Variants in FNIP1 observed in about 807,000 individuals in gnomAD.
FNIP1 encodes the protein folliculin interacting protein 1, also known as folliculin-interacting protein 1.
Under a neutral mutation model 124.5 loss-of-function variants are expected in FNIP1, and 40 were observed. The observed-to-expected ratio is 0.32, with a 90% CI of 0.25 to 0.42. The LOEUF is 0.42. Ranked by LOEUF, FNIP1 falls within the 10% of genes least tolerant of loss-of-function variation. FNIP1 has a pLI of 1.00. For synonymous variants in FNIP1, 472 were observed against 470.6 expected (o/e 1.00, Z -0.04); for missense variants, 1,176 against 1,403.7 (o/e 0.84, Z 2.59).
In FNIP1 at chr5:131,651,981, G is replaced by A. The variant is rs756596118; in HGVS notation, c.3127C>T (p.Pro1043Ser). ...HAVQHPVLDEPIAEAVCIIAD... is the reference protein window; with the variant it reads ...HAVQHPVLDESIAEAVCIIAD... ...ATAATACAGACAGCTTCTGCTATTGGTTCATCCAAAACTGGATGCTGGAAA... is the reference window on the plus strand; with the variant it reads ...ATAATACAGACAGCTTCTGCTATTGATTCATCCAAAACTGGATGCTGGAAA... Residue 1043 changes from proline (P) to serine (S), a missense_variant, in exon 16 of 18, where the codon CCA becomes TCA. Transcript: ENST00000510461. 1 of 1,612,962 alleles carries A rather than the reference G, an allele frequency of 6.2e-7. No homozygotes were observed. The highest frequency in any genetic ancestry group is 8.5e-7 in the Non-Finnish European group (1 of 1,179,642).
chr5:131,746,475 G>A (rs774140423), intron 1 of FNIP1, among the ~76,000 whole-genome samples: 16 of 152,092 alleles, frequency 1.1e-4, no homozygotes, highest in Non-Finnish European at 2.4e-4. Context: ...CCATCCTTAT[G>A]TCCATGAGTA....
chr5:131,741,742 G>A (rs1770519434), intron 2 of FNIP1, among the ~76,000 whole-genome samples: 1 of 152,172 alleles, frequency 6.6e-6, no homozygotes, highest in Non-Finnish European at 1.5e-5. Context: ...AAGGACTCCA[G>A]TAAGTATTTT....
intron 15 of FNIP1, among the ~76,000 whole-genome samples, chr5:131,662,217 A>T (rs1767462454): frequency 6.6e-6 from 1 of 152,160 alleles, no homozygotes; most frequent in South Asian, 2.1e-4. Flanking sequence ...ATCTTTTGCT[A>T]TCTTAAGCCC....
chr5:131,757,635 CAAA>C (rs372983798), intron 1 of FNIP1, among the ~76,000 whole-genome samples: 10 of 70,344 alleles, frequency 1.4e-4, no homozygotes, highest in Admixed American at 3.1e-4. Context: ...CTCTGAAGGC[CAAA>C]AAAAAAAAAA....
chr5:131,688,493 A>C (rs1768360787), intron 11 of FNIP1, among the ~76,000 whole-genome samples: 1 of 151,866 alleles, frequency 6.6e-6, no homozygotes, highest in Non-Finnish European at 1.5e-5. Flanking sequence ...AACTAGTCTG[A>C]ACAAAGAAAG....
intron 10 of FNIP1, among the ~76,000 whole-genome samples, chr5:131,702,415 T>G (rs1768933618): frequency 6.6e-6 from 1 of 152,058 alleles, no homozygotes; most frequent in African/African-American, 2.4e-5. Flanking sequence ...AATGGGCATA[T>G]AATTTGAAAA....
At chr5:131,728,052 A>C (rs978516025) in intron 3 of FNIP1, among the ~76,000 whole-genome samples, 3 of 152,192 alleles carry the variant, frequency 2.0e-5, no homozygotes, top group Non-Finnish European at 4.4e-5. Context: ...ATCCACTGTT[A>C]GTCTGATGGA....
intron 2 of FNIP1, among the ~76,000 whole-genome samples, chr5:131,736,181 C>A (rs572968926): frequency 6.6e-6 from 1 of 152,118 alleles, no homozygotes; most frequent in East Asian, 1.9e-4. Flanking sequence ...GATAAAAATA[C>A]GGGTATTTTT....
At chr5:131,706,611 T>G in intron 8 of FNIP1, 65 bp from the exon 9 acceptor site, 3 of 1,386,094 alleles carry the variant, frequency 2.2e-6, no homozygotes, top group Non-Finnish European at 2.8e-6. Context: ...AAATTTCTTT[T>G]TAACAAAATT....
At chr5:131,674,824 A>C (rs186634438) in intron 13 of FNIP1, among the ~76,000 whole-genome samples, 1 of 145,298 alleles carries the variant, frequency 6.9e-6, no homozygotes, top group Non-Finnish European at 1.5e-5. Flanking sequence ...TTTACTTTAC[A>C]AAGCCCTCAC....
At chr5:131,783,712 G>A (rs1266800213) in intron 1 of FNIP1, among the ~76,000 whole-genome samples, 1 of 152,052 alleles carries the variant, frequency 6.6e-6, no homozygotes, top group Non-Finnish European at 1.5e-5. Context: ...AAAGCTTCTT[G>A]GGGGTCAGTT....
intron 11 of FNIP1, among the ~76,000 whole-genome samples, chr5:131,690,146 C>A (rs798704): frequency 0.64 from 96,783 of 151,814 alleles, 32,834 homozygotes; most frequent in Non-Finnish European, 0.77. Context: ...TGGTGTGAAC[C>A]CGGGAGGCGG....
chr5:131,734,772 C>A (rs553348642), intron 2 of FNIP1, among the ~76,000 whole-genome samples: 34 of 152,274 alleles, frequency 2.2e-4, no homozygotes, highest in African/African-American at 7.9e-4. Flanking sequence ...ATATCTCACA[C>A]CAGTTAGAAT....
chr5:131,652,006 A>G lies in FNIP1; in HGVS notation c.3109-7T>C, dbSNP rs1190952713. 3 of 1,608,408 alleles carry G rather than the reference A, an allele frequency of 1.9e-6. No homozygotes were observed. The highest frequency in any genetic ancestry group is 2.5e-6 in the Non-Finnish European group (3 of 1,177,592). On this transcript the variant is annotated splice_polypyrimidine_tract_variant and splice_region_variant and intron_variant, in intron 15 of 17. Transcript: ENST00000510461. ...GTTCATCCAAAACTGGATGCTGGAAATAAAAGAATAATTCATCTTATGTTT... is the reference window on the plus strand; with the variant it reads ...GTTCATCCAAAACTGGATGCTGGAAGTAAAAGAATAATTCATCTTATGTTT...
At position 131,661,683 on chromosome 5, in the gene FNIP1, A is replaced by G. The variant is rs1767441670; in HGVS notation, c.3108+8780T>C. 2.0e-5 allele frequency among the ~76,000 whole-genome samples: 3 copies of G among 152,296 alleles called. No homozygotes were observed. In the East Asian group the frequency reaches 5.8e-4, roughly 29 times the overall value. ...TTGCCTATGGTTCAATGAAACACAC[A>G]AAAGTAATTTTCCTTTGTGACTATG... On this transcript the variant is annotated intron_variant, in intron 15 of 17. Coordinates refer to ENST00000510461, the MANE Select transcript of FNIP1 (RefSeq NM_133372.3).
chr5:131,731,423 G>A (rs1030020541), intron 2 of FNIP1, among the ~76,000 whole-genome samples: 2 of 152,166 alleles, frequency 1.3e-5, no homozygotes, highest in Non-Finnish European at 2.9e-5. Context: ...GGGAAGCTGA[G>A]GAGGTGGATC....
At chr5:131,646,039 C>G (rs1057087600) in intron 17 of FNIP1, among the ~76,000 whole-genome samples, 1 of 152,090 alleles carries the variant, frequency 6.6e-6, no homozygotes, top group Non-Finnish European at 1.5e-5. Flanking sequence ...ATTTATGTTA[C>G]TTTTTAAAAC....
chr5:131,683,627 T>G (rs1768166981), intron 11 of FNIP1, among the ~76,000 whole-genome samples: 1 of 152,120 alleles, frequency 6.6e-6, no homozygotes, highest in African/African-American at 2.4e-5. Context: ...TGTTAATAAT[T>G]GTTATACCGC....
rs1284961958 is a variant in FNIP1 at position 131,671,497 on chromosome 5, C to T, written c.2939+8G>A. 6.3e-7 allele frequency: 1 copy of T among 1,597,946 alleles called. No individual in the cohort carries two copies. Among genetic ancestry groups the T allele is most frequent in the East Asian group, 2.2e-5 (1 of 44,782 alleles). On this transcript the variant is annotated splice_region_variant and intron_variant, in intron 14 of 17. Coordinates refer to ENST00000510461, the MANE Select transcript of FNIP1 (RefSeq NM_133372.3). ...AGGGCCCATTATAGGTGAAAACTTC[C>T]TACTTACCCAGGAAAAGGTATCTCA...
Sources: allele counts gnomAD v4.1 joint callset (sites outside exome capture counted in the v4.1 genomes callset), GRCh38; gene constraint gnomAD v4.1.1; transcripts MANE v1.5; gene names NCBI Gene and HGNC (gene_info 2026-07-23, HGNC 2026-07-21).